The following SUGCT variants were observed in gnomAD, a reference collection of about 807,000 sequenced individuals.
The protein encoded by SUGCT is succinyl-CoA:glutarate-CoA transferase.
Under a neutral mutation model 55.0 loss-of-function variants are expected in SUGCT, and 41 were observed. The ratio of observed to expected loss-of-function variants is 0.74; its 90% CI spans 0.58 to 0.97. The LOEUF (loss-of-function observed/expected upper bound fraction) is 0.97, where lower values mean the gene tolerates loss of function less well. Among genes scored for constraint, SUGCT ranks in the 50% least tolerant of loss-of-function variants. The pLI is 0.00. For synonymous variants in SUGCT, 187 were observed against 200.4 expected (o/e 0.93, Z 0.56); for missense variants, 568 against 547.8 (o/e 1.04, Z -0.37).
intron 6 of SUGCT, among the ~76,000 whole-genome samples, chr7:40,226,408 G>A (rs369227807): frequency 5.8e-4 from 89 of 152,290 alleles, no homozygotes; most frequent in Middle Eastern, 3.4e-3. Flanking sequence ...CTGTAAGACT[G>A]TAAAACTTTG....
At chr7:40,260,460 T>C (rs1417437988) in intron 7 of SUGCT, among the ~76,000 whole-genome samples, 1 of 152,226 alleles carries the variant, frequency 6.6e-6, no homozygotes, top group Non-Finnish European at 1.5e-5. Flanking sequence ...GCCATAGCTA[T>C]GGCACTTGAT....
chr7:40,240,967 GA>G (rs1424844002), intron 7 of SUGCT, among the ~76,000 whole-genome samples: 1 of 152,150 alleles, frequency 6.6e-6, no homozygotes, highest in African/African-American at 2.4e-5. Context: ...TGGTAGTTTT[GA>G]AGAGCCAAAA....
intron 13 of SUGCT, among the ~76,000 whole-genome samples, chr7:40,842,299 A>G (rs189957741): frequency 6.6e-6 from 1 of 152,320 alleles, no homozygotes; most frequent in Admixed American, 6.5e-5. Context: ...TTTTCCAAGT[A>G]GGAAAACAAA....
chr7:40,429,370 A>G (rs982015272), intron 9 of SUGCT, among the ~76,000 whole-genome samples: 3 of 152,138 alleles, frequency 2.0e-5, no homozygotes, highest in African/African-American at 7.2e-5. Context: ...ATGTATATAT[A>G]AAGGGGAGTT....
At chr7:40,137,505 A>G (rs1424996934) in intron 1 of SUGCT, among the ~76,000 whole-genome samples, 1 of 152,144 alleles carries the variant, frequency 6.6e-6, no homozygotes, top group Non-Finnish European at 1.5e-5. Flanking sequence ...TATTCCATCA[A>G]CCCATTTATC....
intron 9 of SUGCT, among the ~76,000 whole-genome samples, chr7:40,345,213 A>G (rs977072643): frequency 2.0e-5 from 3 of 151,858 alleles, no homozygotes; most frequent in Admixed American, 6.6e-5. Flanking sequence ...GTGCTTGAGC[A>G]TTCCAGTCAG....
chr7:40,808,262 G>C (rs1413404692), intron 13 of SUGCT: 1 of 152,236 alleles, frequency 6.6e-6, no homozygotes, highest in African/African-American at 2.4e-5. Flanking sequence ...CCTTGAGACT[G>C]GCCCCTGGCC....
chr7:40,280,159 A>G (rs1312654709), intron 8 of SUGCT, among the ~76,000 whole-genome samples: 1 of 152,346 alleles, frequency 6.6e-6, no homozygotes, highest in Middle Eastern at 3.4e-3. Context: ...AAACCATTTC[A>G]AGTAGTTCCT....
At chr7:40,482,665 G>A (rs1791118431) in intron 11 of SUGCT, among the ~76,000 whole-genome samples, 1 of 152,140 alleles carries the variant, frequency 6.6e-6, no homozygotes, top group Non-Finnish European at 1.5e-5. Context: ...CACAGCTTAG[G>A]TTGTATGGAC....
chr7:40,138,135 C>T (rs999522345), intron 1 of SUGCT, among the ~76,000 whole-genome samples: 3 of 152,156 alleles, frequency 2.0e-5, no homozygotes, highest in Non-Finnish European at 4.4e-5. Flanking sequence ...TGTAGTCCAT[C>T]CCCTTCCCTC....
At chr7:40,678,885 A>G (rs1230003978) in intron 12 of SUGCT, among the ~76,000 whole-genome samples, 2 of 152,332 alleles carry the variant, frequency 1.3e-5, no homozygotes, top group Admixed American at 1.3e-4. Flanking sequence ...AAGTGTTATT[A>G]AAAGCAAACA....
chr7:40,784,224 AG>A (rs1789903853), intron 13 of SUGCT, among the ~76,000 whole-genome samples: 1 of 151,960 alleles, frequency 6.6e-6, no homozygotes, highest in South Asian at 2.1e-4. Context: ...GTTGGGGGTG[AG>A]GGGGGTAGTG....
chr7:40,741,441 A>G (rs1340971473), intron 12 of SUGCT, among the ~76,000 whole-genome samples: 2 of 152,214 alleles, frequency 1.3e-5, no homozygotes, highest in Non-Finnish European at 2.9e-5. Flanking sequence ...ATACCATTTC[A>G]CAGTGATCAG....
At chr7:40,684,283 C>T (rs1199179029) in intron 12 of SUGCT, 4 of 1,167,196 alleles carry the variant, frequency 3.4e-6, no homozygotes, top group Non-Finnish European at 1.1e-6. Context: ...GACATAGCAT[C>T]TTTGGGGAGC....
chr7:40,945,739 G>A, the SUGCT span, among the ~76,000 whole-genome samples: 1 of 152,154 alleles, frequency 6.6e-6, no homozygotes, highest in Non-Finnish European at 1.5e-5. Context: ...TGATGTGATG[G>A]ACTTCCCCTT....
At chr7:40,969,019 C>T in the SUGCT span, among the ~76,000 whole-genome samples, 1 of 152,324 alleles carries the variant, frequency 6.6e-6, no homozygotes, top group East Asian at 1.9e-4. Context: ...GCTCCTGCTC[C>T]AGCCGGCCCC....
intron 9 of SUGCT, among the ~76,000 whole-genome samples, chr7:40,378,416 C>T (rs150087147): frequency 6.6e-6 from 1 of 152,266 alleles, no homozygotes; most frequent in East Asian, 1.9e-4. Flanking sequence ...GTGATTTTAA[C>T]ATTTCTGTTA....
intron 7 of SUGCT, among the ~76,000 whole-genome samples, chr7:40,263,026 G>A (rs145647426): frequency 4.2e-4 from 64 of 152,270 alleles, no homozygotes; most frequent in African/African-American, 1.4e-3. Context: ...GTTTTCAGAC[G>A]ATTCTGCTGC....
chr7:40,488,515 A>G (rs182764887), intron 11 of SUGCT, among the ~76,000 whole-genome samples: 1 of 152,158 alleles, frequency 6.6e-6, no homozygotes, highest in Non-Finnish European at 1.5e-5. Context: ...TTTACACACC[A>G]TCATTACCAT....
Sources: allele counts gnomAD v4.1 joint callset (sites outside exome capture counted in the v4.1 genomes callset), GRCh38; gene constraint gnomAD v4.1.1; transcripts MANE v1.5; gene names NCBI Gene and HGNC (gene_info 2026-07-23, HGNC 2026-07-21).